The following BLTP2 variants were observed in gnomAD, a reference collection of about 807,000 sequenced individuals.
BLTP2 encodes the protein bridge-like lipid transfer protein family member 2.
the BLTP2 span, among the ~76,000 whole-genome samples, chr17:28,632,688 C>T: frequency 6.6e-6 from 1 of 152,122 alleles, no homozygotes; most frequent in Non-Finnish European, 1.5e-5. Flanking sequence ...ACTTTCAAGC[C>T]TCCAGAACTG....
At chr17:28,624,465 G>T in the BLTP2 span, 5 of 1,339,604 alleles carry the variant, frequency 3.7e-6, no homozygotes, top group East Asian at 2.3e-5. Flanking sequence ...GAGCCAAATT[G>T]ATCTTCCCTC....
chr17:28,632,125 T>C, the BLTP2 span: 1 of 1,614,184 alleles, frequency 6.2e-7, no homozygotes, highest in Non-Finnish European at 8.5e-7. Context: ...GGGTTTCAGG[T>C]TATTGAAGAG....
At chr17:28,619,430 A>G in the BLTP2 span, among the ~76,000 whole-genome samples, 1 of 152,092 alleles carries the variant, frequency 6.6e-6, no homozygotes, top group African/African-American at 2.4e-5. Flanking sequence ...CGGGAGTTCC[A>G]GACCAGCCTG....
chr17:28,630,241 C>T, the BLTP2 span, among the ~76,000 whole-genome samples: 3 of 152,194 alleles, frequency 2.0e-5, no homozygotes, highest in Admixed American at 1.3e-4. Flanking sequence ...ACTGCAGCCT[C>T]GATTTCCCAG....
chr17:28,639,923 C>T, the BLTP2 span: 2 of 1,613,948 alleles, frequency 1.2e-6, no homozygotes, highest in Non-Finnish European at 1.7e-6. Context: ...GTTCAGTGCT[C>T]ATCTGTGCCA....
the BLTP2 span, chr17:28,614,672 T>C: frequency 1.3e-5 from 2 of 151,896 alleles, no homozygotes; most frequent in African/African-American, 4.8e-5. Flanking sequence ...CCCCCTCCCG[T>C]TTCCTGGCAC....
At chr17:28,620,949 C>A in the BLTP2 span, 1 of 1,571,886 alleles carries the variant, frequency 6.4e-7, no homozygotes, top group Non-Finnish European at 8.7e-7. Flanking sequence ...TTCACAATTT[C>A]TCTAGTCCCT....
At chr17:28,644,312 C>T in the BLTP2 span, 1 of 1,022,006 alleles carries the variant, frequency 9.8e-7, no homozygotes, top group South Asian at 1.5e-5. Context: ...ACTCTCCTTT[C>T]TTCCAAAGCA....
At chr17:28,639,109 G>A in the BLTP2 span, 9 of 601,962 alleles carry the variant, frequency 1.5e-5, no homozygotes, top group South Asian at 3.9e-5. Context: ...ACTGAGCACC[G>A]AGGACATAAA....
the BLTP2 span, among the ~76,000 whole-genome samples, chr17:28,625,826 C>T: frequency 2.6e-5 from 4 of 152,088 alleles, no homozygotes; most frequent in African/African-American, 9.7e-5. Context: ...AGTGCAATGG[C>T]GCAATCTCGG....
At chr17:28,616,290 A>G in the BLTP2 span, 1 of 1,603,116 alleles carries the variant, frequency 6.2e-7, no homozygotes, top group Non-Finnish European at 8.5e-7. This position sits in a 1 kb window ranked among gnomAD's most constrained non-coding sequence, Gnocchi z 4.8. Flanking sequence ...CCTAGAATGG[A>G]CTTAGAGGAA....
the BLTP2 span, chr17:28,635,456 T>A: frequency 3.7e-6 from 6 of 1,614,132 alleles, no homozygotes; most frequent in African/African-American, 8.0e-5. Context: ...TCAGAAGTAG[T>A]TCCTGAAGTC....
chr17:28,632,648 A>G, the BLTP2 span, among the ~76,000 whole-genome samples: 1 of 152,212 alleles, frequency 6.6e-6, no homozygotes, highest in Admixed American at 6.5e-5. Flanking sequence ...CCTCACTGAC[A>G]CTGAATCTAT....
At chr17:28,644,247 C>T in the BLTP2 span, 1 of 1,571,536 alleles carries the variant, frequency 6.4e-7, no homozygotes, top group Non-Finnish European at 8.7e-7. Context: ...TCCCTCACCC[C>T]TTGCTGGTCT....
the BLTP2 span, chr17:28,616,341 C>A: frequency 6.8e-6 from 11 of 1,613,864 alleles, no homozygotes; most frequent in Non-Finnish European, 8.5e-6. The surrounding 1 kb of genome is among the most constrained non-coding windows in gnomAD (Gnocchi z 4.8). Flanking sequence ...GACCTCAAGA[C>A]TCTCCCATTT....
chr17:28,633,961 G>A, the BLTP2 span: 2 of 1,614,002 alleles, frequency 1.2e-6, no homozygotes, highest in Non-Finnish European at 1.7e-6. Flanking sequence ...CCCCACGGAA[G>A]CCCCAAGTGC....
At chr17:28,624,123 G>T in the BLTP2 span, 1 of 1,425,082 alleles carries the variant, frequency 7.0e-7, no homozygotes, top group South Asian at 1.3e-5. Context: ...CTATGAGAAG[G>T]CCAAATTTTT....
chr17:28,621,057 C>G, the BLTP2 span: 1 of 1,614,200 alleles, frequency 6.2e-7, no homozygotes, highest in Non-Finnish European at 8.5e-7. Context: ...ATCTGAGTTG[C>G]TAGTTCAGGA....
the BLTP2 span, among the ~76,000 whole-genome samples, chr17:28,617,967 T>C: frequency 6.8e-6 from 1 of 146,590 alleles, no homozygotes; most frequent in Admixed American, 6.9e-5. Context: ...GGAGTCTTGC[T>C]CTGTCACCAG....
Sources: gnomAD v4.1 joint callset for allele counts (sites outside exome capture counted in the v4.1 genomes callset) on GRCh38, gnomAD v4.1.1 for gene constraint, Gnocchi (gnomAD v3.1) non-coding constraint, MANE v1.5 for transcripts, NCBI Gene and HGNC (gene_info 2026-07-23, HGNC 2026-07-21) for gene names.